Variants in ZC3H11A observed in about 807,000 individuals in gnomAD.
ZC3H11A encodes zinc finger CCCH-type containing 11A.
Under a neutral mutation model 90.8 loss-of-function variants are expected in ZC3H11A, and 22 were observed. The ratio of observed to expected loss-of-function variants is 0.24; its 90% confidence interval spans 0.17 to 0.35. ZC3H11A has a LOEUF of 0.35. ZC3H11A is among the 10% of genes least tolerant of loss of function. The pLI is 1.00. For missense variants in ZC3H11A, 701 were observed against 964.9 expected, an observed-to-expected ratio of 0.73 and a Z score of 3.62; for synonymous variants, 294 against 339.8, an observed-to-expected ratio of 0.87 and a Z score of 1.48.
intron 3 of ZC3H11A, among the ~76,000 whole-genome samples, chr1:203,817,544 C>T (rs1676767939): frequency 6.6e-6 from 1 of 151,952 alleles, no homozygotes; most frequent in South Asian, 2.1e-4. Flanking sequence ...TTTCTTCTCC[C>T]AGATTTCCTG....
At chr1:203,841,018 C>A (rs1239227210) in intron 12 of ZC3H11A, among the ~76,000 whole-genome samples, 2 of 151,260 alleles carry the variant, frequency 1.3e-5, no homozygotes, top group Admixed American at 6.6e-5. Flanking sequence ...AAAATAATTG[C>A]TGTCATGAAA....
chr1:203,800,770 G>A (rs1670323386), intron 1 of ZC3H11A: 1 of 192,344 alleles, frequency 5.2e-6, no homozygotes, highest in African/African-American at 2.3e-5. Flanking sequence ...GATTGAACTA[G>A]TAATTGGTTT....
Position 203,800,421 on chromosome 1 carries a change from A to C in ZC3H11A, c.-1587-1154A>C, listed in dbSNP as rs1428767049. ...GGTTCTGAGCTGGGATCCTGAGCAG[A>C]ATGAAGTTGTTCAAAGCAGTGAAAA... On this transcript the variant is annotated intron_variant, in intron 1 of 17. Coordinates refer to ENST00000367210, the MANE Select transcript of ZC3H11A (RefSeq NM_001376342.1). The C allele has an allele frequency of 2.2e-6, 3 of 1,343,102 alleles. No homozygotes were observed. In the East Asian group the frequency reaches 7.5e-5, roughly 34 times the overall value. The allele number at this position is 1,343,102 out of a possible 1,614,324, so 83.2% of individuals were successfully genotyped here.
At chr1:203,850,218 T>C (rs1688937595) in intron 15 of ZC3H11A, 192 bp downstream of exon 15, 1 of 673,324 alleles carries the variant, frequency 1.5e-6, no homozygotes, top group South Asian at 2.0e-5. Context: ...AATTTAAAAT[T>C]GCTATTTAAA....
rs1042273919 is a variant in ZC3H11A, at chr1:203,853,366, C to T, written c.*967C>T. 4.6e-5 allele frequency: 7 copies of T among 152,554 alleles called. No individual in the cohort carries two copies. The highest frequency in any genetic ancestry group is 8.8e-5 in the Non-Finnish European group (6 of 68,020). The allele number at this position is 152,554 out of a possible 1,614,324, so 9.5% of individuals were successfully genotyped here. A position where few individuals can be genotyped will look rare whatever the true frequency, so the allele number is the denominator to read the frequency against. On this transcript the variant is annotated 3_prime_UTR_variant, in exon 18 of 18. Transcript: ENST00000367210. Reference sequence around the variant, plus strand: ...TATTTATCTATGGGCTGTAGCAGTACACTGAATTGTACTGTGCCAGGGATA... The same window carrying T: ...TATTTATCTATGGGCTGTAGCAGTATACTGAATTGTACTGTGCCAGGGATA...
chr1:203,797,846 G>A (rs1030113174), intron 1 of ZC3H11A: 117 of 1,536,118 alleles, frequency 7.6e-5, no homozygotes, highest in Middle Eastern at 1.7e-4. Context: ...ATGACCCTGA[G>A]CAGGATGAAG....
intron 11 of ZC3H11A, 132 bp downstream of exon 11, chr1:203,838,196 C>T: frequency 1.5e-5 from 13 of 863,252 alleles, no homozygotes; most frequent in Non-Finnish European, 1.8e-5. Flanking sequence ...ATTATTCACT[C>T]AACAAACATT....
rs1572376049 is a variant in ZC3H11A at position 203,849,809 on chromosome 1, A to G, written c.1722A>G (p.Glu574=). ...EKHMQKQQER[E]KSVLTPLRGD... ...ACATGCAGAAACAGCAGGAGAGGGA[A>G]AAATCAGTCTTGACACCTCTTCGGG... The change falls in exon 15 of 18, where the codon GAA becomes GAG. Residue 574 remains glutamate, a synonymous_variant. Coordinates refer to ENST00000367210, the MANE Select transcript of ZC3H11A (RefSeq NM_001376342.1). 36 of 1,613,974 alleles carry G rather than the reference A, an allele frequency of 2.2e-5. No individual in the cohort carries two copies. The highest frequency in any genetic ancestry group is 3.0e-5 in the Non-Finnish European group (35 of 1,179,912).
At chr1:203,843,065 T>C (rs535724040) in intron 12 of ZC3H11A, among the ~76,000 whole-genome samples, 2 of 152,180 alleles carry the variant, frequency 1.3e-5, no homozygotes, top group Non-Finnish European at 2.9e-5. Flanking sequence ...GTTAAAGTTA[T>C]ATTAGCATCA....
At chr1:203,838,305 T>C (rs1685000530) in intron 11 of ZC3H11A, among the ~76,000 whole-genome samples, 1 of 152,242 alleles carries the variant, frequency 6.6e-6, no homozygotes, top group Admixed American at 6.5e-5. Context: ...GGAATACTTA[T>C]AAATGCGATA....
chr1:203,829,235 C>T (rs1681493512), intron 5 of ZC3H11A: 1 of 584,170 alleles, frequency 1.7e-6, no homozygotes, highest in Non-Finnish European at 3.0e-6. Flanking sequence ...GTTTTGAGTG[C>T]CCACTTTGTG....
chr1:203,829,955 A>G, intron 7 of ZC3H11A, 59 bp downstream of exon 7: 1 of 1,501,452 alleles, frequency 6.7e-7, no homozygotes, highest in South Asian at 1.1e-5. Flanking sequence ...TTTGAAATTT[A>G]GTTCACAATC....
chr1:203,840,526 C>T, intron 12 of ZC3H11A, 152 bp downstream of exon 12: 1 of 658,158 alleles, frequency 1.5e-6, no homozygotes, highest in Non-Finnish European at 2.5e-6. Context: ...CAAGTCAGCT[C>T]AGACTCAACT....
intron 3 of ZC3H11A, 136 bp from the exon 4 acceptor site, chr1:203,818,434 A>G: frequency 3.5e-6 from 4 of 1,153,234 alleles, no homozygotes; most frequent in South Asian, 1.5e-5. Flanking sequence ...CTGTCATTCC[A>G]TGTCCATTGT....
At chr1:203,801,398 G>C (rs1474819575) in intron 1 of ZC3H11A, 177 bp from the exon 2 acceptor site, 2 of 152,100 alleles carry the variant, frequency 1.3e-5, no homozygotes, top group Non-Finnish European at 2.9e-5. Context: ...TTATGTGTTA[G>C]GAATCATTGG....
At chr1:203,798,899 G>A in intron 1 of ZC3H11A, 1 of 1,536,090 alleles carries the variant, frequency 6.5e-7, no homozygotes, top group South Asian at 1.2e-5. Context: ...CTGTACCTCA[G>A]TTATATGATT....
intron 2 of ZC3H11A, among the ~76,000 whole-genome samples, chr1:203,806,470 T>C (rs1260811742): frequency 6.6e-6 from 1 of 152,070 alleles, no homozygotes; most frequent in Non-Finnish European, 1.5e-5. Context: ...CCCGGCTAAT[T>C]TTTGTATTTT....
intron 2 of ZC3H11A, among the ~76,000 whole-genome samples, chr1:203,815,211 C>CTT (rs199677164): frequency 3.4e-5 from 2 of 59,404 alleles, no homozygotes; most frequent in African/African-American, 9.5e-5. Context: ...TCTTCCTTTT[C>CTT]TTTTCTTTTT....
At chr1:203,841,300 C>T (rs187447920) in intron 12 of ZC3H11A, among the ~76,000 whole-genome samples, 224 of 152,146 alleles carry the variant, frequency 1.5e-3, no homozygotes, top group African/African-American at 5.0e-3. Flanking sequence ...GAGGACCCTG[C>T]GGCCTTCTGC....
Sources: allele counts gnomAD v4.1 joint callset (sites outside exome capture counted in the v4.1 genomes callset), GRCh38; gene constraint gnomAD v4.1.1; transcripts MANE v1.5; gene names NCBI Gene and HGNC (gene_info 2026-07-23, HGNC 2026-07-21).